The following TEAD1 variants were observed in gnomAD, a reference collection of about 807,000 sequenced individuals.
TEAD1 encodes transcriptional enhancer factor TEF-1.
In TEAD1, 9 loss-of-function variants were observed where a neutral mutation model predicts 54.9. The observed-to-expected ratio is 0.16, with a 90% CI of 0.10 to 0.29. The LOEUF (loss-of-function observed/expected upper bound fraction) is 0.29. Ranked by LOEUF, TEAD1 falls within the 10% of genes least tolerant of loss-of-function variation. TEAD1 has a pLI of 1.00. For synonymous variants in TEAD1, 200 were observed against 187.8 expected (o/e 1.07, Z -0.53); for missense variants, 387 against 535.9 (o/e 0.72, Z 2.74).
chr11:12,881,817 A>G (rs1026350405), intron 7 of TEAD1, 79 bp from the exon 8 acceptor site: 5 of 1,453,232 alleles, frequency 3.4e-6, no homozygotes, highest in African/African-American at 1.4e-5. Flanking sequence ...TCCCACTGGG[A>G]GGTCATGGTG....
intron 3 of TEAD1, among the ~76,000 whole-genome samples, chr11:12,835,857 T>C (rs1330640871): frequency 6.6e-6 from 1 of 152,090 alleles, no homozygotes; most frequent in Non-Finnish European, 1.5e-5. Flanking sequence ...AAAGGAGAGG[T>C]CTTAGTCAAC....
At chr11:12,775,077 A>C (rs1043762767) in intron 3 of TEAD1, among the ~76,000 whole-genome samples, 2 of 152,228 alleles carry the variant, frequency 1.3e-5, no homozygotes, top group African/African-American at 2.4e-5. Context: ...TTAGAAGTTA[A>C]GCCTGTTCAG....
At chr11:12,878,837 AAAAT>A in intron 5 of TEAD1, 1 of 1,221,820 alleles carries the variant, frequency 8.2e-7, no homozygotes, top group Non-Finnish European at 1.1e-6. Flanking sequence ...AAGAAGAAAA[AAAAT>A]CCCTTTTTAT....
At chr11:12,685,343 C>T (rs1943311113) in intron 2 of TEAD1, among the ~76,000 whole-genome samples, 1 of 152,184 alleles carries the variant, frequency 6.6e-6, no homozygotes, top group South Asian at 2.1e-4. Context: ...TTTAAAAGCA[C>T]TTATTCACAA....
intron 3 of TEAD1, among the ~76,000 whole-genome samples, chr11:12,815,002 G>A (rs980051225): frequency 6.6e-6 from 1 of 152,128 alleles, no homozygotes; most frequent in Non-Finnish European, 1.5e-5. Flanking sequence ...GGCCTGTAAT[G>A]GTTGCTGACT....
rs549199118 is a variant in TEAD1 at position 12,938,270 on chromosome 11, T to A, written c.*1048T>A. On this transcript the variant is annotated 3_prime_UTR_variant, in exon 13 of 13. Transcript: ENST00000527636. ...TACAGAATCTGTGGCTGGGAGAAAATTTCATCAAATAGACAAGTAAAAGGC... is the reference window on the plus strand; with the variant it reads ...TACAGAATCTGTGGCTGGGAGAAAAATTCATCAAATAGACAAGTAAAAGGC... 1.3e-5 allele frequency: 2 copies of A among 152,606 alleles called. No individual in the cohort carries two copies. Among genetic ancestry groups the A allele is most frequent in the Admixed American group, 6.5e-5 (1 of 15,284 alleles). 9.5% of individuals were successfully genotyped at this position (152,606 alleles called of 1,614,324 possible).
chr11:12,825,521 T>C (rs536384285), intron 3 of TEAD1, among the ~76,000 whole-genome samples: 1 of 152,354 alleles, frequency 6.6e-6, no homozygotes, highest in African/African-American at 2.4e-5. Flanking sequence ...ACTAGTTTAT[T>C]GCTAAATGAG....
intron 2 of TEAD1, among the ~76,000 whole-genome samples, chr11:12,750,716 C>T (rs1446123538): frequency 1.3e-5 from 2 of 152,152 alleles, no homozygotes; most frequent in African/African-American, 4.8e-5. Flanking sequence ...TCTGCTCTAG[C>T]CTTTCTACTT....
chr11:12,798,052 A>G (rs1401250028), intron 3 of TEAD1, among the ~76,000 whole-genome samples: 1 of 152,206 alleles, frequency 6.6e-6, no homozygotes, highest in Admixed American at 6.5e-5. Flanking sequence ...CGTTTGTGTA[A>G]CATATCAACT....
intron 2 of TEAD1, among the ~76,000 whole-genome samples, chr11:12,717,731 C>T (rs960968122): frequency 6.6e-6 from 1 of 152,164 alleles, no homozygotes; most frequent in Non-Finnish European, 1.5e-5. Context: ...TCACCCCAGG[C>T]CCCTGGCAGG....
chr11:12,732,382 G>A (rs1944442487), intron 2 of TEAD1, among the ~76,000 whole-genome samples: 1 of 152,170 alleles, frequency 6.6e-6, no homozygotes, highest in African/African-American at 2.4e-5. Flanking sequence ...TTTGTCACAT[G>A]TGACATAGCG....
intron 3 of TEAD1, among the ~76,000 whole-genome samples, chr11:12,821,033 C>G (rs547425696): frequency 1.3e-5 from 2 of 152,150 alleles, no homozygotes; most frequent in Non-Finnish European, 2.9e-5. Flanking sequence ...TTGCCATGGC[C>G]TGTTCACCAG....
chr11:12,706,008 C>CAAAG (rs1943806629), intron 2 of TEAD1, among the ~76,000 whole-genome samples: 1 of 152,200 alleles, frequency 6.6e-6, no homozygotes, highest in Non-Finnish European at 1.5e-5. Flanking sequence ...TTCCATTAAG[C>CAAAG]AATACAGGCT....
intron 3 of TEAD1, among the ~76,000 whole-genome samples, chr11:12,775,287 G>A (rs1043128891): frequency 5.9e-5 from 9 of 152,148 alleles, no homozygotes; most frequent in African/African-American, 1.4e-4. Context: ...GGAAGGGACT[G>A]TTGCTGGGCA....
chr11:12,740,327 G>A (rs906129088), intron 2 of TEAD1, among the ~76,000 whole-genome samples: 1 of 152,180 alleles, frequency 6.6e-6, no homozygotes, highest in Admixed American at 6.5e-5. Flanking sequence ...CTCTAGAAGT[G>A]TTAGCTACTG....
In TEAD1 at chr11:12,881,914, G is replaced by A. The variant is rs2134097744; in HGVS notation, c.531G>A (p.Gln177=). The A allele has an allele frequency of 6.2e-7, 1 of 1,614,186 alleles. No homozygotes were observed. Among genetic ancestry groups the A allele is most frequent in the South Asian group, 1.1e-5 (1 of 91,086 alleles). Residue 177 remains glutamine, a synonymous_variant, in exon 8 of 13, where the codon CAG becomes CAA. Coordinates refer to ENST00000527636, the MANE Select transcript of TEAD1 (RefSeq NM_021961.6). ...TTCCCAGCGTCAAGCCTTTTGTGCA[G>A]CAGGCCTACCCCATCCAGCCAGCGG...
chr11:12,864,085 AAT>A (rs75321703), intron 4 of TEAD1, among the ~76,000 whole-genome samples: 1 of 151,704 alleles, frequency 6.6e-6, no homozygotes, highest in East Asian at 1.9e-4. Flanking sequence ...AAAAAAAAAA[AAT>A]AGCTCTGCTA....
At chr11:12,725,820 A>C (rs747329922) in intron 2 of TEAD1, among the ~76,000 whole-genome samples, 1 of 152,194 alleles carries the variant, frequency 6.6e-6, no homozygotes, top group East Asian at 1.9e-4. Flanking sequence ...GGCTAAGTGC[A>C]TATGTCCCAG....
At chr11:12,758,884 A>G (rs1945045206) in intron 2 of TEAD1, among the ~76,000 whole-genome samples, 1 of 152,114 alleles carries the variant, frequency 6.6e-6, no homozygotes, top group Non-Finnish European at 1.5e-5. Context: ...AGAATGAATA[A>G]GTTGGCTTCC....
Sources: gnomAD v4.1 joint callset for allele counts (sites outside exome capture counted in the v4.1 genomes callset) on GRCh38, gnomAD v4.1.1 for gene constraint, MANE v1.5 for transcripts, NCBI Gene and HGNC (gene_info 2026-07-23, HGNC 2026-07-21) for gene names.